The following KHDRBS3 variants were observed in gnomAD, a reference collection of about 807,000 sequenced individuals.
KHDRBS3 encodes KH RNA binding domain containing, signal transduction associated 3.
KHDRBS3 carries 23 observed loss-of-function variants against 45.6 expected under a neutral mutation model. That is an observed-to-expected ratio of 0.50 (90% CI 0.36 to 0.72). The LOEUF (loss-of-function observed/expected upper bound fraction) is 0.72, where lower values mean the gene tolerates loss of function less well. KHDRBS3 is among the 30% of genes least tolerant of loss of function. KHDRBS3 has a pLI of 0.00. For synonymous variants in KHDRBS3, 162 were observed against 156.5 expected (o/e 1.04, Z -0.26); for missense variants, 352 against 424.8 (o/e 0.83, Z 1.51).
intron 1 of KHDRBS3, among the ~76,000 whole-genome samples, chr8:135,515,736 T>C (rs1824561105): frequency 6.6e-6 from 1 of 152,232 alleles, no homozygotes; most frequent in African/African-American, 2.4e-5. Flanking sequence ...GGCTACCATA[T>C]TAGTCTGTTT....
intron 5 of KHDRBS3, among the ~76,000 whole-genome samples, chr8:135,572,689 G>A (rs1436776150): frequency 2.0e-5 from 3 of 152,238 alleles, no homozygotes; most frequent in African/African-American, 7.2e-5. Context: ...GGATGCGCAT[G>A]AACGCATGAG....
intron 5 of KHDRBS3, among the ~76,000 whole-genome samples, chr8:135,561,988 A>G (rs1222584418): frequency 6.6e-6 from 1 of 152,230 alleles, no homozygotes; most frequent in African/African-American, 2.4e-5. Flanking sequence ...TTTAAAAAAA[A>G]AAGTTAAAAG....
At chr8:135,535,745 A>G (rs1274610477) in intron 2 of KHDRBS3, among the ~76,000 whole-genome samples, 1 of 152,164 alleles carries the variant, frequency 6.6e-6, no homozygotes, top group African/African-American at 2.4e-5. Context: ...TTTGAGACTG[A>G]GGAATGTATA....
chr8:135,457,882 C>T lies in KHDRBS3; in HGVS notation c.16C>T (p.Leu6=). Residue 6 remains leucine (L), a synonymous_variant, in exon 1 of 9, where the codon CTG becomes TTG. Transcript: ENST00000355849. The surrounding 1 kb of genome is among the most constrained non-coding windows in gnomAD (Gnocchi z 4.4). ...GCCGGCGAGCATGGAGGAGAAGTACCTGCCCGAGCTGATGGCGGAGAAGGA... is the reference window on the plus strand; with the variant it reads ...GCCGGCGAGCATGGAGGAGAAGTACTTGCCCGAGCTGATGGCGGAGAAGGA... MEEKY[L]PELMAEKDSL... is the part of the protein sequence containing the mutation. 2 of 1,595,606 alleles carry T rather than the reference C, an allele frequency of 1.3e-6. No individual in the cohort carries two copies. Among genetic ancestry groups the T allele is most frequent in the African/African-American group, 1.4e-5 (1 of 73,284 alleles).
intron 7 of KHDRBS3, among the ~76,000 whole-genome samples, chr8:135,627,096 G>A (rs76145616): frequency 0.057 from 8,712 of 152,156 alleles, 325 homozygotes; most frequent in African/African-American, 0.1. Context: ...TTTAGGGACG[G>A]GTTAAACTCT....
chr8:135,580,771 C>T (rs1413996616), intron 5 of KHDRBS3, among the ~76,000 whole-genome samples: 3 of 152,016 alleles, frequency 2.0e-5, no homozygotes, highest in African/African-American at 4.8e-5. Flanking sequence ...CACCACCGTG[C>T]CCAGCTAATT....
At chr8:135,575,620 C>T (rs766999554) in intron 5 of KHDRBS3, among the ~76,000 whole-genome samples, 1 of 151,950 alleles carries the variant, frequency 6.6e-6, no homozygotes, top group African/African-American at 2.4e-5. Flanking sequence ...CACAGGCCAC[C>T]ATAGCTGCAA....
chr8:135,561,683 A>G (rs1827174564), intron 5 of KHDRBS3, among the ~76,000 whole-genome samples: 1 of 152,032 alleles, frequency 6.6e-6, no homozygotes, highest in South Asian at 2.1e-4. Flanking sequence ...ACAAAATGAC[A>G]TTTTTGGTCA....
chr8:135,534,327 G>A (rs1355942008), intron 2 of KHDRBS3, among the ~76,000 whole-genome samples: 1 of 151,744 alleles, frequency 6.6e-6, no homozygotes, highest in Non-Finnish European at 1.5e-5. Context: ...TCATCTCCCT[G>A]TGTGGTATAT....
intron 1 of KHDRBS3, among the ~76,000 whole-genome samples, chr8:135,504,330 C>T (rs572743674): frequency 5.9e-5 from 9 of 152,202 alleles, no homozygotes; most frequent in East Asian, 3.9e-4. Flanking sequence ...CTCGTTTAAA[C>T]GGTCACTTAG....
At chr8:135,499,150 A>G (rs1823604774) in intron 1 of KHDRBS3, among the ~76,000 whole-genome samples, 1 of 152,184 alleles carries the variant, frequency 6.6e-6, no homozygotes, top group Non-Finnish European at 1.5e-5. Flanking sequence ...TGGGAAGGGT[A>G]GGTATTTTCA....
intron 5 of KHDRBS3, among the ~76,000 whole-genome samples, chr8:135,579,258 A>G (rs1229626031): frequency 1.3e-5 from 2 of 152,224 alleles, no homozygotes; most frequent in African/African-American, 4.8e-5. Context: ...GAGAGTAGAC[A>G]TCCTTGCCTT....
At chr8:135,606,631 G>A (rs527625142) in intron 6 of KHDRBS3, among the ~76,000 whole-genome samples, 2 of 152,106 alleles carry the variant, frequency 1.3e-5, no homozygotes, top group African/African-American at 4.8e-5. Flanking sequence ...AGTTAGAATA[G>A]CGCAAAGCTC....
At chr8:135,648,499 T>G (rs1219945484), downstream of KHDRBS3, 1 of 152,256 alleles carries the variant, frequency 6.6e-6, no homozygotes, top group African/African-American at 2.4e-5. Context: ...GGGGGATTTT[T>G]TTCTGTTTAT....
In KHDRBS3 at chr8:135,645,080, C is replaced by CGGACATGGACTCAGTGAGGAGACT. The variant is rs766405166; in HGVS notation, c.913_936dup (p.Gly305_Thr312dup). 6.2e-7 allele frequency: 1 copy of CGGACATGGACTCAGTGAGGAGACT among 1,613,410 alleles called. No homozygotes were observed. The highest frequency in any genetic ancestry group is 8.5e-7 in the Non-Finnish European group (1 of 1,179,868). On this transcript the variant is annotated inframe_insertion, in exon 8 of 9. Transcript: ENST00000355849. ...GCAGTGGTGCTGATTACTATGATTA[C>CGGACATGGACTCAGTGAGGAGACT]GGACATGGACTCAGTGAGGAGACTT...
At chr8:135,649,363 A>T (rs1831383297), downstream of KHDRBS3, among the ~76,000 whole-genome samples, 2 of 152,212 alleles carry the variant, frequency 1.3e-5, no homozygotes, top group Admixed American at 6.5e-5. Flanking sequence ...TGTTAGAAGA[A>T]TTAAGATAAT....
chr8:135,461,660 C>T (rs1821438989), intron 1 of KHDRBS3, among the ~76,000 whole-genome samples: 1 of 152,076 alleles, frequency 6.6e-6, no homozygotes, highest in Non-Finnish European at 1.5e-5. Flanking sequence ...TAATTTAATC[C>T]AAGTCTCTGA....
chr8:135,576,138 T>A (rs1827936025), intron 5 of KHDRBS3, among the ~76,000 whole-genome samples: 1 of 152,258 alleles, frequency 6.6e-6, no homozygotes, highest in African/African-American at 2.4e-5. Context: ...ATGCCATGTT[T>A]GCCACATCAT....
intron 1 of KHDRBS3, among the ~76,000 whole-genome samples, chr8:135,503,771 A>G (rs1387682150): frequency 1.3e-5 from 2 of 152,162 alleles, no homozygotes; most frequent in Admixed American, 6.5e-5. Context: ...TACCACGTCC[A>G]TACCCTTGTC....
Sources: allele counts gnomAD v4.1 joint callset (sites outside exome capture counted in the v4.1 genomes callset), GRCh38; gene constraint gnomAD v4.1.1; non-coding constraint Gnocchi (gnomAD v3.1); transcripts MANE v1.5; gene names NCBI Gene and HGNC (gene_info 2026-07-23, HGNC 2026-07-21).